The following LRFN5 variants were observed in gnomAD, a reference collection of about 807,000 sequenced individuals.
LRFN5 encodes leucine rich repeat and fibronectin type III domain containing 5.
LRFN5 carries 24 observed loss-of-function variants against 45.6 expected under a neutral mutation model. That is an observed-to-expected ratio of 0.53 (90% CI 0.38 to 0.74). The LOEUF is 0.74. LRFN5 is among the 30% of genes least tolerant of loss of function. The pLI is 0.00. For missense variants in LRFN5, 776 were observed against 861.5 expected, an observed-to-expected ratio of 0.90 and a Z score of 1.24; for synonymous variants, 340 against 313.8, an observed-to-expected ratio of 1.08 and a Z score of -0.88.
At chr14:41,655,366 G>GT (rs1430080457) in intron 1 of LRFN5, among the ~76,000 whole-genome samples, 9 of 151,936 alleles carry the variant, frequency 5.9e-5, no homozygotes, top group African/African-American at 9.7e-5. Flanking sequence ...AGACTAAATC[G>GT]TAAGTATTCT....
intron 4 of LRFN5, among the ~76,000 whole-genome samples, chr14:41,895,692 C>T (rs1301124917): frequency 6.7e-6 from 1 of 150,352 alleles, no homozygotes; most frequent in Non-Finnish European, 1.5e-5. Context: ...CAAACTGTGG[C>T]CAATTTATTT....
intron 4 of LRFN5, among the ~76,000 whole-genome samples, chr14:41,897,929 A>C (rs1024162753): frequency 1.3e-4 from 20 of 152,110 alleles, no homozygotes; most frequent in Admixed American, 6.6e-4. Context: ...GCTCTAGAAT[A>C]TGTCTAATAA....
chr14:41,622,630 T>C (rs1888176163), intron 1 of LRFN5, among the ~76,000 whole-genome samples: 1 of 152,108 alleles, frequency 6.6e-6, no homozygotes, highest in African/African-American at 2.4e-5. Flanking sequence ...ATAATCATCT[T>C]TCCTTCATTT....
chr14:41,796,159 A>G (rs1280639168), intron 2 of LRFN5, among the ~76,000 whole-genome samples: 1 of 152,040 alleles, frequency 6.6e-6, no homozygotes, highest in African/African-American at 2.4e-5. Context: ...CAAAAATCTG[A>G]GTAATTCTTT....
At chr14:41,864,125 A>G (rs1196935465) in intron 2 of LRFN5, among the ~76,000 whole-genome samples, 2 of 152,194 alleles carry the variant, frequency 1.3e-5, no homozygotes, top group Non-Finnish European at 2.9e-5. Flanking sequence ...TAGTGCTACA[A>G]TAAACACACA....
intron 1 of LRFN5, among the ~76,000 whole-genome samples, chr14:41,628,095 G>A (rs1046822570): frequency 6.6e-6 from 1 of 152,138 alleles, no homozygotes; most frequent in African/African-American, 2.4e-5. Context: ...GTAATATGTG[G>A]TGAAAACTCT....
chr14:41,711,075 T>A (rs1284658315), intron 1 of LRFN5, among the ~76,000 whole-genome samples: 1 of 152,162 alleles, frequency 6.6e-6, no homozygotes, highest in African/African-American at 2.4e-5. Context: ...ATTGAAACTA[T>A]GTATTTAAAT....
At chr14:41,893,197 T>C in intron 4 of LRFN5, 1 of 978,968 alleles carries the variant, frequency 1.0e-6, no homozygotes, top group Non-Finnish European at 1.2e-6. Flanking sequence ...TGAGAATACA[T>C]AATTTTTTAA....
At chr14:41,747,668 T>C (rs1056212368) in intron 1 of LRFN5, among the ~76,000 whole-genome samples, 2 of 151,846 alleles carry the variant, frequency 1.3e-5, no homozygotes, top group African/African-American at 4.8e-5. Context: ...AATAGACAAA[T>C]TGGAATCATG....
chr14:41,754,070 T>C (rs1885261391), intron 1 of LRFN5, among the ~76,000 whole-genome samples: 2 of 152,230 alleles, frequency 1.3e-5, no homozygotes, highest in Admixed American at 6.5e-5. Context: ...TTATGTTTAT[T>C]GATTTACGTA....
In LRFN5 at chr14:41,814,222, T is replaced by C. The variant is rs1396206146; in HGVS notation, c.-21+47193T>C. Among the ~76,000 whole-genome samples the C allele has an allele frequency of 3.9e-5, 6 of 152,320 alleles. No individual in the cohort carries two copies. The East Asian group carries it at 1.2e-3, about 29-fold the overall frequency. On this transcript the variant is annotated intron_variant, in intron 2 of 5. Coordinates refer to ENST00000298119, the MANE Select transcript of LRFN5 (RefSeq NM_152447.5). ...GCAATTGCTTTTGGTATTTTAGTCA[T>C]GAATTCTTTGCTTATGCCTATGTCC...
At chr14:41,621,259 A>G (rs1888126500) in intron 1 of LRFN5, among the ~76,000 whole-genome samples, 1 of 151,992 alleles carries the variant, frequency 6.6e-6, no homozygotes, top group East Asian at 1.9e-4. Context: ...CTATATTGGG[A>G]ATGAGAAATT....
chr14:41,773,847 T>C (rs998979457), intron 2 of LRFN5, among the ~76,000 whole-genome samples: 23 of 152,236 alleles, frequency 1.5e-4, no homozygotes, highest in African/African-American at 5.1e-4. Flanking sequence ...TATGCTGATA[T>C]ATTGTCTCTT....
intron 2 of LRFN5, among the ~76,000 whole-genome samples, chr14:41,841,801 G>A (rs976191612): frequency 1.3e-5 from 2 of 151,750 alleles, no homozygotes; most frequent in African/African-American, 4.8e-5. Context: ...CTTATTAAAT[G>A]TTTAGTTGTT....
chr14:41,693,790 A>G (rs559782484), intron 1 of LRFN5, among the ~76,000 whole-genome samples: 7 of 151,824 alleles, frequency 4.6e-5, no homozygotes, highest in Non-Finnish European at 7.4e-5. Flanking sequence ...TCTTGCTTAG[A>G]CTCCATATAC....
At chr14:41,892,440 G>A in intron 4 of LRFN5, 1 of 984,158 alleles carries the variant, frequency 1.0e-6, no homozygotes, top group Non-Finnish European at 1.2e-6. Context: ...ACTAGCAACA[G>A]CAGATTAAAA....
rs568388925 is a variant in LRFN5 at position 41,794,803 on chromosome 14, TA to T, written c.-21+27781del. On this transcript the variant is annotated intron_variant, in intron 2 of 5. Coordinates refer to ENST00000298119, the MANE Select transcript of LRFN5 (RefSeq NM_152447.5). ...AGAATCAGGTAAGCATTGCAGCATA[TA>T]AAAAAATGCATAATCTGCTTCAAAA... Among the ~76,000 whole-genome samples the T allele has an allele frequency of 4.0e-3, 601 of 152,056 alleles. 3 individuals are homozygous for T. The highest frequency in any genetic ancestry group is 0.012 in the African/African-American group (492 of 41,522).
intron 2 of LRFN5, among the ~76,000 whole-genome samples, chr14:41,826,065 C>G (rs924802619): frequency 6.6e-6 from 1 of 152,152 alleles, no homozygotes; most frequent in African/African-American, 2.4e-5. Flanking sequence ...TCATCTATAA[C>G]GTTGATTATT....
intron 1 of LRFN5, among the ~76,000 whole-genome samples, chr14:41,760,641 G>T: frequency 6.6e-6 from 1 of 152,144 alleles, no homozygotes; most frequent in African/African-American, 2.4e-5. Context: ...TTTATGAAAT[G>T]ATTTCTGATT....
Sources: gnomAD v4.1 joint callset for allele counts (sites outside exome capture counted in the v4.1 genomes callset) on GRCh38, gnomAD v4.1.1 for gene constraint, MANE v1.5 for transcripts, NCBI Gene and HGNC (gene_info 2026-07-23, HGNC 2026-07-21) for gene names.